The following CACNB2 variants were observed in gnomAD, a reference collection of about 807,000 sequenced individuals.
CACNB2 encodes the protein calcium voltage-gated channel auxiliary subunit beta 2, also known as voltage-dependent L-type calcium channel subunit beta-2.
CACNB2 carries 42 observed loss-of-function variants against 73.3 expected under a neutral mutation model. The ratio of observed to expected loss-of-function variants is 0.57; its 90% confidence interval spans 0.45 to 0.74. CACNB2 has a LOEUF of 0.74. CACNB2 is among the 30% of genes least tolerant of loss of function. The probability of loss-of-function intolerance (pLI) is 0.00; values close to 1 mark genes in which losing one functional copy is unlikely to be tolerated. For synonymous variants in CACNB2, 348 were observed against 310.3 expected (o/e 1.12, Z -1.28); for missense variants, 940 against 853.0 (o/e 1.10, Z -1.27).
intron 3 of CACNB2, among the ~76,000 whole-genome samples, chr10:18,427,403 C>A (rs1439974932): frequency 6.6e-6 from 1 of 152,040 alleles, no homozygotes; most frequent in African/African-American, 2.4e-5. Flanking sequence ...GGGGGACTTA[C>A]TGTATGTATA....
At chr10:18,334,504 T>C (rs763820276) in intron 2 of CACNB2, among the ~76,000 whole-genome samples, 1 of 152,232 alleles carries the variant, frequency 6.6e-6, no homozygotes, top group African/African-American at 2.4e-5. Flanking sequence ...TAGGTTATAC[T>C]TGAAAGCACT....
At chr10:18,203,202 T>A (rs1018927016) in intron 2 of CACNB2, among the ~76,000 whole-genome samples, 2 of 152,204 alleles carry the variant, frequency 1.3e-5, no homozygotes, top group Non-Finnish European at 2.9e-5. Context: ...CAGCTTGAAG[T>A]AGACACAGGC....
At chr10:18,225,009 T>A (rs1412914822) in intron 2 of CACNB2, among the ~76,000 whole-genome samples, 1 of 152,188 alleles carries the variant, frequency 6.6e-6, no homozygotes, top group Non-Finnish European at 1.5e-5. Flanking sequence ...GCCCTTGTTC[T>A]TTTCTGATGT....
Position 18,140,681 on chromosome 10 carries a change from A to T in CACNB2, c.-56A>T. ...AGAGCGCGGGGAGGCGGGGGCGAGG[A>T]GGAGGGGACCCGCCGCCGGGGGCTG... On this transcript the variant is annotated 5_prime_UTR_variant, in exon 1 of 14. Transcript: ENST00000324631. 2 of 1,468,358 alleles carry T rather than the reference A, an allele frequency of 1.4e-6. No individual in the cohort carries two copies. The highest frequency in any genetic ancestry group is 1.9e-6 in the Non-Finnish European group (2 of 1,066,708). The allele number at this position is 1,468,358 out of a possible 1,614,324, so 91.0% of individuals were successfully genotyped here.
At chr10:18,196,442 G>C (rs974026114) in intron 2 of CACNB2, among the ~76,000 whole-genome samples, 1 of 151,794 alleles carries the variant, frequency 6.6e-6, no homozygotes, top group Non-Finnish European at 1.5e-5. Flanking sequence ...TCAGCCTCCC[G>C]AGTAGCTGGG....
chr10:18,458,645 C>A (rs1390967606), intron 3 of CACNB2, among the ~76,000 whole-genome samples: 4 of 151,982 alleles, frequency 2.6e-5, no homozygotes, highest in African/African-American at 9.7e-5. Context: ...AAATAATAGT[C>A]CTAATAAAAT....
At chr10:18,224,805 G>T (rs965660331) in intron 2 of CACNB2, among the ~76,000 whole-genome samples, 6 of 152,182 alleles carry the variant, frequency 3.9e-5, no homozygotes, top group African/African-American at 9.7e-5. Flanking sequence ...TCGAAGTCAT[G>T]CCATCTCCAG....
At chr10:18,438,360 A>G (rs2046253799) in intron 3 of CACNB2, among the ~76,000 whole-genome samples, 1 of 151,952 alleles carries the variant, frequency 6.6e-6, no homozygotes, top group South Asian at 2.1e-4. Flanking sequence ...AACCACTGCT[A>G]AAGCATTCCT....
intron 3 of CACNB2, among the ~76,000 whole-genome samples, chr10:18,475,647 A>G (rs1046498064): frequency 6.6e-6 from 1 of 152,068 alleles, no homozygotes; most frequent in Non-Finnish European, 1.5e-5. Context: ...CCAAATAACA[A>G]ATCATACCAG....
intron 2 of CACNB2, among the ~76,000 whole-genome samples, chr10:18,201,532 C>T (rs544220581): frequency 4.1e-4 from 62 of 152,246 alleles, no homozygotes; most frequent in African/African-American, 1.4e-3. Context: ...ACCTTGGCCT[C>T]CTAAAGTGGT....
intron 1 of CACNB2, among the ~76,000 whole-genome samples, chr10:18,142,244 T>A (rs2030490511): frequency 6.6e-6 from 1 of 152,226 alleles, no homozygotes; most frequent in Non-Finnish European, 1.5e-5. Context: ...GGGAAGAATG[T>A]GGACACCAAG....
At chr10:18,483,402 G>A (rs1415751815) in intron 3 of CACNB2, among the ~76,000 whole-genome samples, 1 of 151,512 alleles carries the variant, frequency 6.6e-6, no homozygotes, top group African/African-American at 2.4e-5. Flanking sequence ...ATGGTGGCGG[G>A]TTCCTATAAT....
intron 2 of CACNB2, among the ~76,000 whole-genome samples, chr10:18,313,138 T>C (rs989006059): frequency 6.6e-6 from 1 of 152,000 alleles, no homozygotes; most frequent in Non-Finnish European, 1.5e-5. Flanking sequence ...CATCGTTAGA[T>C]GAGAAAGAAA....
chr10:18,506,322 C>G (rs1300468281), intron 5 of CACNB2, 149 bp from the exon 6 acceptor site: 42 of 653,758 alleles, frequency 6.4e-5, no homozygotes, highest in South Asian at 4.0e-4. Flanking sequence ...CTCCAGGAAT[C>G]TCCACTGGGA....
At chr10:18,502,199 C>G (rs111973137) in intron 5 of CACNB2, among the ~76,000 whole-genome samples, 2 of 151,806 alleles carry the variant, frequency 1.3e-5, no homozygotes. Context: ...CCTAGCTACT[C>G]GGGAGGCTGA....
intron 3 of CACNB2, among the ~76,000 whole-genome samples, chr10:18,476,294 C>T (rs1481351104): frequency 1.3e-5 from 2 of 152,012 alleles, no homozygotes; most frequent in Non-Finnish European, 2.9e-5. Context: ...ACGTTCTTGG[C>T]GTCTTCAACA....
intron 2 of CACNB2, among the ~76,000 whole-genome samples, chr10:18,392,704 G>A (rs1266270594): frequency 6.6e-6 from 1 of 152,060 alleles, no homozygotes; most frequent in Non-Finnish European, 1.5e-5. Flanking sequence ...AGTTTCTGGA[G>A]TACCTGTAAC....
intron 3 of CACNB2, among the ~76,000 whole-genome samples, chr10:18,438,271 C>G (rs572494505): frequency 6.7e-6 from 1 of 148,736 alleles, no homozygotes; most frequent in Non-Finnish European, 1.5e-5. Flanking sequence ...CCTCGTGGTC[C>G]GCCCGCCTCG....
intron 2 of CACNB2, chr10:18,257,063 A>G (rs2037315498): frequency 6.6e-6 from 1 of 152,266 alleles, no homozygotes; most frequent in Non-Finnish European, 1.5e-5. Flanking sequence ...GTCCAAACGT[A>G]AACACTATTG....
Sources: gnomAD v4.1 joint callset for allele counts (sites outside exome capture counted in the v4.1 genomes callset) on GRCh38, gnomAD v4.1.1 for gene constraint, MANE v1.5 for transcripts, NCBI Gene and HGNC (gene_info 2026-07-23, HGNC 2026-07-21) for gene names.